Variants in GABRA3 observed in about 807,000 individuals in gnomAD.
GABRA3 encodes the protein gamma-aminobutyric acid type A receptor subunit alpha3.
GABRA3 carries 10 observed loss-of-function variants against 30.1 expected under a neutral mutation model. The observed-to-expected ratio is 0.33, with a 90% CI of 0.20 to 0.56. The LOEUF is 0.56. GABRA3 is among the 20% of genes least tolerant of loss of function. The probability of loss-of-function intolerance (pLI) is 0.89; values close to 1 mark genes in which losing one functional copy is unlikely to be tolerated. For synonymous variants in GABRA3, 151 were observed against 146.8 expected (o/e 1.03, Z -0.21); for missense variants, 233 against 392.0 (o/e 0.59, Z 3.42).
At chrX:152,180,629 T>C (rs192720287) in intron 9 of GABRA3, among the ~76,000 whole-genome samples, 4 of 112,126 alleles carry the variant, frequency 3.6e-5, no homozygotes, top group South Asian at 3.7e-4. Flanking sequence ...TTCACAGAGA[T>C]TTTTTTCCCC....
intron 5 of GABRA3, among the ~76,000 whole-genome samples, chrX:152,238,746 A>G (rs1408026942): frequency 1.9e-5 from 2 of 107,355 alleles, no homozygotes; most frequent in Non-Finnish European, 3.9e-5. Flanking sequence ...CGAGGAATTT[A>G]TCCATTTCTT....
chrX:152,446,555 T>TA (rs1183184344), intron 1 of GABRA3, among the ~76,000 whole-genome samples: 69 of 97,565 alleles, frequency 7.1e-4, no homozygotes, highest in South Asian at 2.8e-3. Flanking sequence ...TCCCATATCC[T>TA]AAAAAAAAAA....
At chrX:152,361,984 C>T (rs1388609604) in intron 2 of GABRA3, among the ~76,000 whole-genome samples, 1 of 111,375 alleles carries the variant, frequency 9.0e-6, no homozygotes, top group Admixed American at 9.6e-5. Context: ...TCTATCATGG[C>T]CCAGTGAAAT....
intron 5 of GABRA3, among the ~76,000 whole-genome samples, chrX:152,252,741 TCA>T (rs1938578198): frequency 9.0e-6 from 1 of 111,394 alleles, no homozygotes; most frequent in African/African-American, 3.3e-5. Context: ...AGTTTATTTC[TCA>T]CTCACACTAC....
At chrX:152,211,134 G>A (rs764875776) in intron 6 of GABRA3, among the ~76,000 whole-genome samples, 51 of 110,521 alleles carry the variant, frequency 4.6e-4, no homozygotes, top group Non-Finnish European at 8.3e-4. Context: ...ATAGTGCCAT[G>A]TTCTATCCAA....
In GABRA3 at chrX:152,256,016, G is replaced by A. The variant is rs201149859; in HGVS notation, c.331-18C>T. 8 of 1,137,608 alleles carry A rather than the reference G, an allele frequency of 7.0e-6. No individual in the cohort carries two copies. The highest frequency in any genetic ancestry group is 1.8e-5 in the African/African-American group (1 of 55,150). 93.8% of individuals were successfully genotyped at this position (1,137,608 alleles called of 1,213,427 possible). A position where few individuals can be genotyped will look rare whatever the true frequency, so the allele number is the denominator to read the frequency against. ...GTGTACTCCTAGGGGTGAAAAGAGA[G>A]AAAACAATGTTTCAGTTGAGTTCTG... is the stretch of plus-strand genomic sequence containing the variant. On this transcript the variant is annotated intron_variant, in intron 4 of 9. Coordinates refer to ENST00000370314, the MANE Select transcript of GABRA3 (RefSeq NM_000808.4).
chrX:152,172,885 T>C (rs978207569), intron 9 of GABRA3, among the ~76,000 whole-genome samples: 10 of 110,693 alleles, frequency 9.0e-5, no homozygotes, highest in African/African-American at 3.3e-4. Context: ...GCAATGTGAA[T>C]GTATTTAACA....
At chrX:152,379,636 T>G (rs1387817883) in intron 1 of GABRA3, among the ~76,000 whole-genome samples, 1 of 111,511 alleles carries the variant, frequency 9.0e-6, no homozygotes, top group African/African-American at 3.3e-5. Flanking sequence ...TAATAGATAT[T>G]TACTATCATC....
intron 4 of GABRA3, among the ~76,000 whole-genome samples, chrX:152,270,617 G>A (rs1938914218): frequency 9.0e-6 from 1 of 111,138 alleles, no homozygotes; most frequent in Non-Finnish European, 1.9e-5. Flanking sequence ...CACTTTGGGA[G>A]GCCAAGGCCA....
intron 3 of GABRA3, among the ~76,000 whole-genome samples, chrX:152,308,933 A>G (rs1939759631): frequency 8.9e-6 from 1 of 112,533 alleles, no homozygotes; most frequent in Admixed American, 9.4e-5. Flanking sequence ...AGCCATTTTA[A>G]GAAAGAACCA....
chrX:152,406,520 A>G (rs1929940054), intron 1 of GABRA3, among the ~76,000 whole-genome samples: 1 of 107,103 alleles, frequency 9.3e-6, no homozygotes, highest in Non-Finnish European at 1.9e-5. Context: ...TAAAGGGGTC[A>G]GTTCAGCAAG....
chrX:152,248,790 T>C (rs1210233898), intron 5 of GABRA3, among the ~76,000 whole-genome samples: 1 of 111,822 alleles, frequency 8.9e-6, no homozygotes. Context: ...TGACGATATA[T>C]TGCATTCTTG....
At chrX:152,450,953 G>C (rs1374596810) in intron 1 of GABRA3, among the ~76,000 whole-genome samples, 193 bp downstream of exon 1, 1 of 112,952 alleles carries the variant, frequency 8.9e-6, no homozygotes, top group Non-Finnish European at 1.9e-5. Flanking sequence ...TTTTACCCCA[G>C]TGTCTCCCTG....
At chrX:152,232,325 T>C (rs1276637775) in intron 5 of GABRA3, among the ~76,000 whole-genome samples, 2 of 110,357 alleles carry the variant, frequency 1.8e-5, no homozygotes, top group Non-Finnish European at 3.8e-5. Flanking sequence ...ATATATTACA[T>C]AGCGGTGAAA....
At chrX:152,351,095 A>T (rs372006092) in intron 2 of GABRA3, among the ~76,000 whole-genome samples, 44 of 111,918 alleles carry the variant, frequency 3.9e-4, no homozygotes, top group African/African-American at 1.2e-3. Context: ...GAGAGAGTGG[A>T]TTTAGCATAA....
At chrX:152,364,708 G>A in intron 1 of GABRA3, 112 bp from the exon 2 acceptor site, 1 of 522,528 alleles carries the variant, frequency 1.9e-6, no homozygotes, top group Non-Finnish European at 3.0e-6. Flanking sequence ...CTCTATTAGA[G>A]CCATTTAACT....
intron 8 of GABRA3, 132 bp from the exon 9 acceptor site, chrX:152,190,073 A>C (rs750130157): frequency 1.5e-5 from 7 of 466,299 alleles, no homozygotes; most frequent in Non-Finnish European, 2.1e-5. Context: ...ATAAAATAAA[A>C]TTTTAAAAAA....
At chrX:152,265,653 G>A (rs944724715) in intron 4 of GABRA3, among the ~76,000 whole-genome samples, 3 of 111,273 alleles carry the variant, frequency 2.7e-5, no homozygotes, top group Non-Finnish European at 5.7e-5. Context: ...AAAGATCAGA[G>A]CAGAAATAAA....
chrX:152,438,319 A>T (rs1397955980), intron 1 of GABRA3, among the ~76,000 whole-genome samples: 3 of 112,405 alleles, frequency 2.7e-5, no homozygotes. Context: ...AAATGCTAGT[A>T]AACATGTGGA....
Sources: allele counts gnomAD v4.1 joint callset (sites outside exome capture counted in the v4.1 genomes callset), GRCh38; gene constraint gnomAD v4.1.1; transcripts MANE v1.5; gene names NCBI Gene and HGNC (gene_info 2026-07-23, HGNC 2026-07-21).